Variants in RAP1A observed in about 807,000 individuals in gnomAD.
RAP1A encodes the protein ras-related protein Rap-1A.
A neutral mutation model predicts 26.4 loss-of-function variants in RAP1A; 6 were observed. The ratio of observed to expected loss-of-function variants is 0.23; its 90% confidence interval spans 0.12 to 0.45. The LOEUF (loss-of-function observed/expected upper bound fraction) is 0.45, where lower values mean the gene tolerates loss of function less well. RAP1A is among the 20% of genes least tolerant of loss of function. The pLI, the probability that RAP1A is intolerant of heterozygous loss-of-function variation, is 0.99. For synonymous variants in RAP1A, 73 were observed against 79.4 expected, an observed-to-expected ratio of 0.92 and a Z score of 0.43; for missense variants, 121 against 217.2, an observed-to-expected ratio of 0.56 and a Z score of 2.78.
chr1:111,672,406 C>G (rs1042790508), intron 1 of RAP1A, among the ~76,000 whole-genome samples: 14 of 152,224 alleles, frequency 9.2e-5, no homozygotes, highest in African/African-American at 3.1e-4. Context: ...TTCATAATGT[C>G]TTGGGTATAA....
chr1:111,694,169 G>T (rs1422997872), intron 2 of RAP1A, among the ~76,000 whole-genome samples: 3 of 152,168 alleles, frequency 2.0e-5, no homozygotes, highest in African/African-American at 7.2e-5. Flanking sequence ...AGTACAGCAT[G>T]AGCCACTGCA....
At chr1:111,701,260 G>A (rs974807192) in intron 4 of RAP1A, among the ~76,000 whole-genome samples, 3 of 152,036 alleles carry the variant, frequency 2.0e-5, no homozygotes, top group African/African-American at 7.2e-5. Flanking sequence ...CTTTAGACAT[G>A]TTTCCCTTTG....
chr1:111,600,637 G>A (rs147983229), intron 1 of RAP1A, among the ~76,000 whole-genome samples: 5 of 152,296 alleles, frequency 3.3e-5, no homozygotes, highest in African/African-American at 9.6e-5. Context: ...AGATGGCCCC[G>A]CACCACCATG....
chr1:111,633,488 G>C (rs1261824212), intron 1 of RAP1A, among the ~76,000 whole-genome samples: 2 of 152,172 alleles, frequency 1.3e-5, no homozygotes, highest in African/African-American at 4.8e-5. Flanking sequence ...CTTATAATCA[G>C]ACACACCTTT....
intron 1 of RAP1A, among the ~76,000 whole-genome samples, chr1:111,595,354 G>T (rs556511860): frequency 6.6e-6 from 1 of 152,168 alleles, no homozygotes; most frequent in African/African-American, 2.4e-5. Flanking sequence ...CTGGTACAGG[G>T]GTCTTGAAGG....
At chr1:111,659,112 T>G (rs945717630) in intron 1 of RAP1A, among the ~76,000 whole-genome samples, 1 of 152,192 alleles carries the variant, frequency 6.6e-6, no homozygotes, top group Non-Finnish European at 1.5e-5. Flanking sequence ...TCTTTACTTT[T>G]AATCTCTGTA....
chr1:111,594,599 A>G (rs1658531373), intron 1 of RAP1A, among the ~76,000 whole-genome samples: 1 of 151,606 alleles, frequency 6.6e-6, no homozygotes, highest in African/African-American at 2.4e-5. Context: ...GGAGGGAGGA[A>G]GGAAGCAAGG....
At chr1:111,557,366 G>A (rs993174859) in intron 1 of RAP1A, among the ~76,000 whole-genome samples, 6 of 152,086 alleles carry the variant, frequency 3.9e-5, no homozygotes, top group African/African-American at 1.4e-4. Context: ...GGCTAACACG[G>A]TGAAACCCTG....
chr1:111,643,861 G>A (rs1032580882), intron 1 of RAP1A, among the ~76,000 whole-genome samples: 13 of 152,160 alleles, frequency 8.5e-5, no homozygotes, highest in African/African-American at 3.1e-4. Context: ...TTATTTCAAG[G>A]AATTGGCTTA....
intron 1 of RAP1A, among the ~76,000 whole-genome samples, chr1:111,565,660 G>C (rs1483274757): frequency 6.6e-6 from 1 of 152,190 alleles, no homozygotes; most frequent in Non-Finnish European, 1.5e-5. Flanking sequence ...AACTGAAGCA[G>C]TGTGAAGCAT....
At chr1:111,683,296 G>C (rs1661363918) in intron 1 of RAP1A, among the ~76,000 whole-genome samples, 1 of 152,068 alleles carries the variant, frequency 6.6e-6, no homozygotes, top group Admixed American at 6.5e-5. Flanking sequence ...AAAGCTAGCA[G>C]AAGACAAGAA....
intron 1 of RAP1A, among the ~76,000 whole-genome samples, chr1:111,679,993 A>G (rs1478145019): frequency 1.3e-5 from 2 of 152,194 alleles, no homozygotes. Context: ...CCTGCCTGCC[A>G]GCTTTGAAGA....
At chr1:111,662,067 TC>T (rs1660654440) in intron 1 of RAP1A, among the ~76,000 whole-genome samples, 1 of 152,028 alleles carries the variant, frequency 6.6e-6, no homozygotes, top group African/African-American at 2.4e-5. Flanking sequence ...TTAACTAATT[TC>T]CTTGTTTTTC....
upstream of RAP1A, among the ~76,000 whole-genome samples, chr1:111,616,602 TG>T (rs1405813885): frequency 6.6e-6 from 1 of 152,192 alleles, no homozygotes; most frequent in Non-Finnish European, 1.5e-5. Context: ...ACTTTTTACT[TG>T]CCCTGTCTTC....
chr1:111,683,128 A>G (rs1478083094), intron 1 of RAP1A, among the ~76,000 whole-genome samples: 1 of 152,246 alleles, frequency 6.6e-6, no homozygotes, highest in African/African-American at 2.4e-5. Context: ...AATGAGAACA[A>G]AGACACAACG....
intron 1 of RAP1A, among the ~76,000 whole-genome samples, chr1:111,575,421 G>A (rs1316265278): frequency 6.6e-6 from 1 of 152,204 alleles, no homozygotes; most frequent in Non-Finnish European, 1.5e-5. Flanking sequence ...CCAAAGTGCT[G>A]GGGTTACAGG....
intron 1 of RAP1A, among the ~76,000 whole-genome samples, chr1:111,644,009 T>G (rs1049933345): frequency 6.6e-6 from 1 of 152,218 alleles, no homozygotes; most frequent in African/African-American, 2.4e-5. Context: ...TTAAGGCTTT[T>G]CAACTGATTG....
At chr1:111,590,200 A>G (rs1340486978) in intron 1 of RAP1A, among the ~76,000 whole-genome samples, 1 of 152,220 alleles carries the variant, frequency 6.6e-6, no homozygotes, top group Admixed American at 6.5e-5. Flanking sequence ...TTCTATGTAG[A>G]TAATCACATT....
chr1:111,657,830 TTC>T (rs1372134438), intron 1 of RAP1A, among the ~76,000 whole-genome samples: 1 of 152,198 alleles, frequency 6.6e-6, no homozygotes, highest in Non-Finnish European at 1.5e-5. Flanking sequence ...TTCATTTTCA[TTC>T]TGTTCAAAAT....
Sources: allele counts gnomAD v4.1 joint callset (sites outside exome capture counted in the v4.1 genomes callset), GRCh38; gene constraint gnomAD v4.1.1; transcripts MANE v1.5; gene names NCBI Gene and HGNC (gene_info 2026-07-23, HGNC 2026-07-21).